Variants in TAFA1 observed in about 807,000 individuals in gnomAD.
TAFA1 encodes chemokine-like protein TAFA-1.
Under a neutral mutation model 18.5 loss-of-function variants are expected in TAFA1, and 4 were observed. The ratio of observed to expected loss-of-function variants is 0.22; its 90% confidence interval spans 0.11 to 0.49. The LOEUF (loss-of-function observed/expected upper bound fraction) is 0.49, where lower values mean the gene tolerates loss of function less well. TAFA1 is among the 20% of genes least tolerant of loss of function. TAFA1 has a pLI of 0.98. For synonymous variants in TAFA1, 56 were observed against 55.2 expected (o/e 1.01, Z -0.06); for missense variants, 147 against 169.0 (o/e 0.87, Z 0.72).
At chr3:68,363,538 A>T (rs262229) in intron 2 of TAFA1, among the ~76,000 whole-genome samples, 91,149 of 152,022 alleles carry the variant, frequency 0.6, 28,213 homozygotes, top group East Asian at 1. Flanking sequence ...CCGAAAGACA[A>T]GCTTTTGATC....
intron 2 of TAFA1, among the ~76,000 whole-genome samples, chr3:68,337,003 G>C (rs901584259): frequency 6.6e-6 from 1 of 152,146 alleles, no homozygotes; most frequent in Non-Finnish European, 1.5e-5. Context: ...GATTACAGGC[G>C]TGAGCCACCG....
chr3:68,222,458 T>C (rs779729263), intron 2 of TAFA1, among the ~76,000 whole-genome samples: 1 of 152,172 alleles, frequency 6.6e-6, no homozygotes, highest in African/African-American at 2.4e-5. Context: ...CCCCTCCTCT[T>C]GCCTTCAGGG....
At chr3:68,138,957 G>A (rs936255479) in intron 2 of TAFA1, among the ~76,000 whole-genome samples, 46 of 152,196 alleles carry the variant, frequency 3.0e-4, no homozygotes, top group African/African-American at 1.1e-3. Context: ...TCTGTCAAAG[G>A]GAGAAACTAA....
chr3:68,264,775 A>C (rs2067510657), intron 2 of TAFA1, among the ~76,000 whole-genome samples: 1 of 147,850 alleles, frequency 6.8e-6, no homozygotes, highest in Non-Finnish European at 1.5e-5. Flanking sequence ...GACAGACCAA[A>C]CTTTTGACAA....
At chr3:68,196,323 C>T (rs76962280) in intron 2 of TAFA1, among the ~76,000 whole-genome samples, 10,557 of 151,782 alleles carry the variant, frequency 0.07, 550 homozygotes, top group Admixed American at 0.16. Flanking sequence ...GAAGCATTTT[C>T]TAACGGTCTC....
At chr3:68,342,876 A>G (rs1465483728) in intron 2 of TAFA1, among the ~76,000 whole-genome samples, 1 of 152,240 alleles carries the variant, frequency 6.6e-6, no homozygotes, top group East Asian at 1.9e-4. Context: ...TTTAATAACT[A>G]TAATTTTACT....
At chr3:68,390,627 GC>G (rs1002075832) in intron 2 of TAFA1, among the ~76,000 whole-genome samples, 1 of 152,170 alleles carries the variant, frequency 6.6e-6, no homozygotes, top group African/African-American at 2.4e-5. Flanking sequence ...CTGGCAGGTG[GC>G]CCTGTGGGAC....
intron 2 of TAFA1, among the ~76,000 whole-genome samples, chr3:68,276,263 T>A (rs2067794896): frequency 6.6e-6 from 1 of 152,094 alleles, no homozygotes; most frequent in African/African-American, 2.4e-5. Flanking sequence ...CTTCTCAACG[T>A]CAGTGCTATT....
At chr3:68,497,549 C>T (rs910916333) in intron 3 of TAFA1, among the ~76,000 whole-genome samples, 4 of 152,006 alleles carry the variant, frequency 2.6e-5, no homozygotes, top group Non-Finnish European at 5.9e-5. Context: ...GGTAATGTGC[C>T]TGGCAGAAGA....
intron 2 of TAFA1, among the ~76,000 whole-genome samples, chr3:68,274,213 A>G (rs1283014153): frequency 6.6e-6 from 1 of 152,180 alleles, no homozygotes; most frequent in African/African-American, 2.4e-5. Context: ...TCATAAACCC[A>G]GATTCTGAAT....
chr3:68,361,351 G>A (rs1162627594), intron 2 of TAFA1, among the ~76,000 whole-genome samples: 2 of 152,006 alleles, frequency 1.3e-5, no homozygotes, highest in East Asian at 1.9e-4. Context: ...AGGTGTGTGA[G>A]TGAGTAGGGT....
chr3:68,078,050 G>A (rs2064849269), intron 2 of TAFA1, among the ~76,000 whole-genome samples: 1 of 151,666 alleles, frequency 6.6e-6, no homozygotes, highest in Non-Finnish European at 1.5e-5. Context: ...GGATTCCTAG[G>A]TATTTTATTC....
chr3:68,405,353 A>C (rs2070577910), intron 2 of TAFA1, among the ~76,000 whole-genome samples: 1 of 152,060 alleles, frequency 6.6e-6, no homozygotes, highest in South Asian at 2.1e-4. Context: ...AAGAGGTAGG[A>C]GTAGACAAGT....
At chr3:68,297,107 G>C (rs948880403) in intron 2 of TAFA1, among the ~76,000 whole-genome samples, 1 of 152,216 alleles carries the variant, frequency 6.6e-6, no homozygotes, top group Admixed American at 6.5e-5. Context: ...AGCCCAGGTA[G>C]CTGGAGATTA....
In TAFA1 at chr3:68,470,095, T is replaced by C. The variant is rs190311621; in HGVS notation, c.259+52675T>C. Among the ~76,000 whole-genome samples the C allele has an allele frequency of 5.2e-3, 798 of 152,294 alleles. 6 individuals are homozygous for C. The highest frequency in any genetic ancestry group is 0.019 in the African/African-American group (775 of 41,550). ...GGGGACAGTTTCTCCTATACTGTTC[T>C]CATGGTAGTGAATAAGTCTCACAAA... On this transcript the variant is annotated intron_variant, in intron 3 of 4. Coordinates refer to ENST00000478136, the MANE Select transcript of TAFA1 (RefSeq NM_213609.4).
chr3:68,055,672 A>G (rs199863161), intron 2 of TAFA1, among the ~76,000 whole-genome samples: 1 of 152,076 alleles, frequency 6.6e-6, no homozygotes, highest in East Asian at 1.9e-4. Flanking sequence ...TTCTAAGAAT[A>G]AGATGTAGAT....
intron 2 of TAFA1, among the ~76,000 whole-genome samples, chr3:68,407,206 G>A (rs976752448): frequency 6.6e-6 from 1 of 152,078 alleles, no homozygotes; most frequent in Non-Finnish European, 1.5e-5. Context: ...GGTCAAAGAT[G>A]ATAATTTCAA....
At chr3:68,460,121 A>T in intron 3 of TAFA1, among the ~76,000 whole-genome samples, 1 of 149,996 alleles carries the variant, frequency 6.7e-6, no homozygotes, top group East Asian at 1.9e-4. Flanking sequence ...ATGAGGCTTT[A>T]AAAAAAAAAT....
rs62245844 is a variant in TAFA1, at chr3:68,482,777, G to A, written c.260-55979G>A. Among the ~76,000 whole-genome samples the A allele has an allele frequency of 8.2e-3, 1,254 of 152,174 alleles. 13 individuals carry two copies. The highest frequency in any genetic ancestry group is 0.024 in the Middle Eastern group (7 of 294). On this transcript the variant is annotated intron_variant, in intron 3 of 4. Coordinates refer to ENST00000478136, the MANE Select transcript of TAFA1 (RefSeq NM_213609.4). The stretch of plus-strand genomic sequence containing the variant: ...CCAGGGTGATGGATTCAGGCCTTTC[G>A]GAGCTCCTGGAAGCCTTATTGCCAC...
Sources: allele counts gnomAD v4.1 joint callset (sites outside exome capture counted in the v4.1 genomes callset), GRCh38; gene constraint gnomAD v4.1.1; transcripts MANE v1.5; gene names NCBI Gene and HGNC (gene_info 2026-07-23, HGNC 2026-07-21).